The following PALM2AKAP2 variants were observed in gnomAD, a reference collection of about 807,000 sequenced individuals.
The protein encoded by PALM2AKAP2 is PALM2 and AKAP2 fusion, also known as PALM2-AKAP2 fusion protein.
In PALM2AKAP2, 37 loss-of-function variants were observed where a neutral mutation model predicts 71.5. The observed-to-expected ratio is 0.52, with a 90% CI of 0.40 to 0.68. The LOEUF (loss-of-function observed/expected upper bound fraction) is 0.68. PALM2AKAP2 is among the 30% of genes least tolerant of loss of function. The pLI, the probability that PALM2AKAP2 is intolerant of heterozygous loss-of-function variation, is 0.00. For missense variants in PALM2AKAP2, 1,224 were observed against 1,191.8 expected (o/e 1.03, Z -0.40); for synonymous variants, 468 against 478.8 (o/e 0.98, Z 0.29).
At chr9:110,131,067 T>G (rs1835724386) in intron 1 of PALM2AKAP2, among the ~76,000 whole-genome samples, 1 of 152,226 alleles carries the variant, frequency 6.6e-6, no homozygotes, top group Non-Finnish European at 1.5e-5. Context: ...GACCATCCCT[T>G]GAGTTTATAT....
At chr9:109,806,930 A>C (rs1482616209) in intron 1 of PALM2AKAP2, among the ~76,000 whole-genome samples, 1 of 152,196 alleles carries the variant, frequency 6.6e-6, no homozygotes, top group Non-Finnish European at 1.5e-5. Context: ...ATTTTTTAAA[A>C]AGATTACTCT....
chr9:110,011,728 A>C, intron 6 of PALM2AKAP2, among the ~76,000 whole-genome samples: 1 of 152,158 alleles, frequency 6.6e-6, no homozygotes, highest in Non-Finnish European at 1.5e-5. Context: ...TACTGTGCGC[A>C]GTGTGTGGGT....
At chr9:109,813,159 C>T (rs1827767328) in intron 1 of PALM2AKAP2, among the ~76,000 whole-genome samples, 1 of 152,202 alleles carries the variant, frequency 6.6e-6, no homozygotes, top group African/African-American at 2.4e-5. Flanking sequence ...TTGGTCATTG[C>T]TGTAAATCAA....
intron 7 of PALM2AKAP2, among the ~76,000 whole-genome samples, chr9:110,024,445 C>A (rs1833136100): frequency 6.6e-6 from 1 of 151,774 alleles, no homozygotes; most frequent in Non-Finnish European, 1.5e-5. Flanking sequence ...TAGCCTCAAT[C>A]ACTATCCCTT....
chr9:110,120,613 C>T (rs1835464080), intron 1 of PALM2AKAP2, among the ~76,000 whole-genome samples: 1 of 152,230 alleles, frequency 6.6e-6, no homozygotes, highest in Non-Finnish European at 1.5e-5. Context: ...AGTGATTCTC[C>T]TGCCCTCAGC....
intron 7 of PALM2AKAP2, among the ~76,000 whole-genome samples, chr9:110,019,042 C>T (rs1037378961): frequency 1.3e-5 from 2 of 151,978 alleles, no homozygotes; most frequent in African/African-American, 4.8e-5. Flanking sequence ...GAGATCGAGA[C>T]CATCCTGGCC....
intron 6 of PALM2AKAP2, among the ~76,000 whole-genome samples, chr9:110,009,703 G>C (rs1436775171): frequency 1.4e-5 from 2 of 139,770 alleles, no homozygotes; most frequent in African/African-American, 5.6e-5. Context: ...AACAAAGTGA[G>C]ACTCTGTCTC....
chr9:109,943,181 G>A (rs1239482417), intron 6 of PALM2AKAP2: 4 of 1,614,220 alleles, frequency 2.5e-6, no homozygotes, highest in Non-Finnish European at 3.4e-6. Context: ...AAGGTGCTAG[G>A]CTATGATGAA....
intron 1 of PALM2AKAP2, among the ~76,000 whole-genome samples, chr9:110,111,300 C>T (rs183024738): frequency 9.1e-4 from 138 of 152,130 alleles, no homozygotes; most frequent in African/African-American, 3.1e-3. Context: ...ATTACGTTGC[C>T]TAGGCTGGTC....
chr9:109,731,883 C>A (rs974634413), intron 1 of PALM2AKAP2, among the ~76,000 whole-genome samples: 3 of 152,048 alleles, frequency 2.0e-5, no homozygotes, highest in African/African-American at 7.2e-5. Flanking sequence ...CTTGTTTTGG[C>A]CTGAGATGCT....
intron 3 of PALM2AKAP2, among the ~76,000 whole-genome samples, chr9:109,899,022 C>T (rs957804653): frequency 2.6e-5 from 4 of 152,186 alleles, no homozygotes; most frequent in African/African-American, 9.7e-5. Context: ...CTCCTTTCTT[C>T]ACTTCTCCCA....
At chr9:109,821,578 T>C (rs1828007343) in intron 1 of PALM2AKAP2, among the ~76,000 whole-genome samples, 1 of 152,180 alleles carries the variant, frequency 6.6e-6, no homozygotes, top group African/African-American at 2.4e-5. Flanking sequence ...GGTGGGAATA[T>C]AGTGGTGAGA....
intron 3 of PALM2AKAP2, among the ~76,000 whole-genome samples, chr9:109,918,669 T>A (rs1346474010): frequency 6.6e-6 from 1 of 152,236 alleles, no homozygotes; most frequent in Non-Finnish European, 1.5e-5. Context: ...GTTAACCCCA[T>A]GACACTCTGT....
chr9:109,672,467 G>C (rs2118494048), intron 1 of PALM2AKAP2, among the ~76,000 whole-genome samples: 1 of 152,244 alleles, frequency 6.6e-6, no homozygotes, highest in African/African-American at 2.4e-5. Flanking sequence ...TGATTATGAT[G>C]GATAAGCTTT....
chr9:109,650,976 A>G (rs1020402898), intron 1 of PALM2AKAP2, among the ~76,000 whole-genome samples: 5 of 152,234 alleles, frequency 3.3e-5, no homozygotes, highest in African/African-American at 9.6e-5. Flanking sequence ...GAATGAGATT[A>G]TAAATACTTT....
rs1424154190 is a variant in PALM2AKAP2, at chr9:109,979,143, C to T, written c.497-36811C>T. ...GAGTAGCTAGGACTACAGGCACGCA[C>T]CACCATGCCCAGCTAATTTTTGTAT... On this transcript the variant is annotated intron_variant, in intron 6 of 9. Coordinates refer to the PALM2AKAP2 transcript ENST00000302798. Among the ~76,000 whole-genome samples the T allele has an allele frequency of 4.6e-5, 7 of 152,172 alleles. No individual in the cohort carries two copies. The South Asian group carries it at 1.4e-3, about 32-fold the overall frequency.
intron 7 of PALM2AKAP2, among the ~76,000 whole-genome samples, chr9:110,026,997 C>T (rs368527808): frequency 5.0e-4 from 76 of 152,230 alleles, no homozygotes; most frequent in African/African-American, 1.8e-3. Flanking sequence ...GAGCCGAGAT[C>T]GCGCCACTGC....
intron 1 of PALM2AKAP2, among the ~76,000 whole-genome samples, chr9:109,682,554 C>T (rs1016214995): frequency 6.6e-6 from 1 of 152,172 alleles, no homozygotes. Context: ...AGGACTTAAC[C>T]AAGGCCATTT....
intron 7 of PALM2AKAP2, among the ~76,000 whole-genome samples, chr9:110,018,438 C>G (rs2132353869): frequency 6.6e-6 from 1 of 152,228 alleles, no homozygotes; most frequent in East Asian, 1.9e-4. Context: ...TGAAGGGATT[C>G]TCCCACCTCA....
Sources: gnomAD v4.1 joint callset for allele counts (sites outside exome capture counted in the v4.1 genomes callset) on GRCh38, gnomAD v4.1.1 for gene constraint, MANE v1.5 for transcripts, NCBI Gene and HGNC (gene_info 2026-07-23, HGNC 2026-07-21) for gene names.